The following FAT3 variants were observed in gnomAD, a reference collection of about 807,000 sequenced individuals.
FAT3 encodes the protein FAT atypical cadherin 3.
Under a neutral mutation model 310.2 loss-of-function variants are expected in FAT3, and 95 were observed. The ratio of observed to expected loss-of-function variants is 0.31; its 90% CI spans 0.26 to 0.36. FAT3 has a LOEUF of 0.36. Among genes scored for constraint, FAT3 ranks in the 10% least tolerant of loss-of-function variants. The pLI is 1.00. For synonymous variants in FAT3, 2,314 were observed against 2,192.9 expected, an observed-to-expected ratio of 1.06 and a Z score of -1.54; for missense variants, 5,408 against 5,715.6, an observed-to-expected ratio of 0.95 and a Z score of 1.74.
In FAT3 at chr11:92,840,707, C is replaced by T. The variant is rs867540062; in HGVS notation, c.10514C>T (p.Ser3505Leu). The T allele has an allele frequency of 1.9e-6, 3 of 1,607,532 alleles. No homozygotes were observed. The highest frequency in any genetic ancestry group is 2.2e-5 in the East Asian group (1 of 44,686). ...FVLDPHGILRSAVVFQHTESL... is the reference protein window; with the variant it reads ...FVLDPHGILRLAVVFQHTESL... ...TTGGACCCTCATGGGATCTTGCGGTCGGCTGTGGTCTTCCAGCACACAGAG... is the reference window on the plus strand; with the variant it reads ...TTGGACCCTCATGGGATCTTGCGGTTGGCTGTGGTCTTCCAGCACACAGAG... The change falls in exon 18 of 28, where the codon TCG becomes TTG. Residue 3505 changes from serine to leucine, a missense_variant. Transcript: ENST00000525166.
intron 3 of FAT3, among the ~76,000 whole-genome samples, chr11:92,529,264 A>AGCAGAGCTGAGTAACAGGGGATCTTT (rs1353942541): frequency 1.3e-5 from 2 of 152,254 alleles, no homozygotes; most frequent in East Asian, 3.9e-4. Context: ...AACATGTCAG[A>AGCAGAGCTGAGTAACAGGGGATCTTT]GCAGAGCTGA....
At chr11:92,374,485 G>C (rs967353063) in intron 2 of FAT3, among the ~76,000 whole-genome samples, 17 of 152,110 alleles carry the variant, frequency 1.1e-4, no homozygotes, top group African/African-American at 4.1e-4. Flanking sequence ...TTGTTACCTG[G>C]TATTTTAACT....
intron 4 of FAT3, among the ~76,000 whole-genome samples, chr11:92,704,023 A>G (rs1274989970): frequency 1.3e-5 from 2 of 152,228 alleles, no homozygotes; most frequent in Non-Finnish European, 2.9e-5. Flanking sequence ...TACCCAGGAT[A>G]GGTCTTTCTC....
intron 13 of FAT3, among the ~76,000 whole-genome samples, chr11:92,821,164 A>G (rs1303064743): frequency 1.3e-5 from 2 of 152,176 alleles, no homozygotes; most frequent in Non-Finnish European, 2.9e-5. Flanking sequence ...TTACCACTGA[A>G]AAGACCCTGA....
intron 22 of FAT3, 62 bp from the exon 23 acceptor site, chr11:92,880,669 G>A (rs2136396408): frequency 6.5e-7 from 1 of 1,544,924 alleles, no homozygotes; most frequent in Non-Finnish European, 8.7e-7. Context: ...TGTTATAGCT[G>A]AGTCCAAGCA....
chr11:92,681,846 G>T (rs533728415), intron 3 of FAT3, among the ~76,000 whole-genome samples: 1 of 152,260 alleles, frequency 6.6e-6, no homozygotes, highest in East Asian at 1.9e-4. Context: ...AGTGTGGGAG[G>T]GAGGAGGAGG....
chr11:92,608,104 G>A (rs1219675576), intron 3 of FAT3, among the ~76,000 whole-genome samples: 1 of 152,108 alleles, frequency 6.6e-6, no homozygotes, highest in African/African-American at 2.4e-5. Context: ...GATCCCTGCA[G>A]GAACCATAAG....
intron 2 of FAT3, among the ~76,000 whole-genome samples, chr11:92,427,539 T>G (rs542584108): frequency 4.6e-5 from 7 of 152,338 alleles, no homozygotes; most frequent in Non-Finnish European, 8.8e-5. Context: ...TTGAGATATG[T>G]TCTATCAATA....
intron 4 of FAT3, among the ~76,000 whole-genome samples, chr11:92,738,811 A>C (rs994905675): frequency 6.6e-6 from 1 of 152,170 alleles, no homozygotes; most frequent in South Asian, 2.1e-4. Context: ...AAAGCATTGG[A>C]TCTTGCTGGA....
Position 92,385,513 on chromosome 11 carries a change from G to A in FAT3, c.3292+30109G>A, listed in dbSNP as rs369089957. 1.3e-4 allele frequency among the ~76,000 whole-genome samples: 20 copies of A among 152,102 alleles called. No individual in the cohort carries two copies. The East Asian group carries it at 3.3e-3, about 25-fold the overall frequency. On this transcript the variant is annotated intron_variant, in intron 2 of 27. Transcript: ENST00000525166. The stretch of plus-strand genomic sequence containing the variant: ...CTCCCAAGTAGCTGGGATTACAGGC[G>A]TGTACCACCACACCCAGCTAATTTT...
At chr11:92,666,377 A>C (rs1488271636) in intron 3 of FAT3, among the ~76,000 whole-genome samples, 6 of 145,344 alleles carry the variant, frequency 4.1e-5, no homozygotes, top group Non-Finnish European at 8.9e-5. Flanking sequence ...TTTGAGACGG[A>C]ATCTCGCTCT....
At chr11:92,338,866 G>T (rs562608108) in intron 1 of FAT3, among the ~76,000 whole-genome samples, 3 of 152,166 alleles carry the variant, frequency 2.0e-5, no homozygotes, top group African/African-American at 7.2e-5. Context: ...TATCTGTTGT[G>T]GGTGGGGACC....
chr11:92,795,328 A>G (rs186229951), intron 9 of FAT3, among the ~76,000 whole-genome samples: 1 of 152,242 alleles, frequency 6.6e-6, no homozygotes, highest in Admixed American at 6.5e-5. Context: ...ACTTCTTTGT[A>G]GCAGATGCTG....
chr11:92,837,897 T>C, intron 17 of FAT3, 91 bp downstream of exon 17: 1 of 1,478,462 alleles, frequency 6.8e-7, no homozygotes, highest in East Asian at 2.3e-5. Context: ...ATTGCTACTA[T>C]TACTTAATGT....
intron 3 of FAT3, among the ~76,000 whole-genome samples, chr11:92,630,583 A>T (rs1419086840): frequency 6.6e-6 from 1 of 152,080 alleles, no homozygotes; most frequent in Non-Finnish European, 1.5e-5. Context: ...TTTTCCCCCA[A>T]CGGAGATCCC....
intron 2 of FAT3, among the ~76,000 whole-genome samples, chr11:92,506,314 C>A (rs1015720731): frequency 6.6e-6 from 1 of 152,142 alleles, no homozygotes; most frequent in Non-Finnish European, 1.5e-5. Context: ...CCTTTCTGGA[C>A]GCCTTTCCTC....
chr11:92,354,760 C>T lies in FAT3; in HGVS notation c.2648C>T (p.Thr883Ile), dbSNP rs753129299. 6.2e-7 allele frequency: 1 copy of T among 1,613,810 alleles called. No individual in the cohort carries two copies. Among genetic ancestry groups the T allele is most frequent in the Non-Finnish European group, 8.5e-7 (1 of 1,179,884 alleles). ...DTQQFAINSS[T>I]GIVYVADQLD... Reference sequence around the variant, plus strand: ...CAGCAGTTTGCCATCAATAGCTCAACTGGAATCGTTTATGTAGCCGACCAG... The same window carrying T: ...CAGCAGTTTGCCATCAATAGCTCAATTGGAATCGTTTATGTAGCCGACCAG... Residue 883 changes from threonine (T) to isoleucine (I), a missense_variant, in exon 2 of 28, where the codon ACT becomes ATT. Transcript: ENST00000525166.
chr11:92,541,067 A>G (rs1954433766), intron 3 of FAT3, among the ~76,000 whole-genome samples: 1 of 152,196 alleles, frequency 6.6e-6, no homozygotes, highest in Non-Finnish European at 1.5e-5. Flanking sequence ...CAAATAGAGA[A>G]AAGAGTACTT....
intron 3 of FAT3, among the ~76,000 whole-genome samples, chr11:92,549,482 C>T (rs113341065): frequency 1.8e-3 from 278 of 152,274 alleles, no homozygotes; most frequent in African/African-American, 6.3e-3. Flanking sequence ...TACATGGCCC[C>T]ATTGAGCTGG....
Sources: gnomAD v4.1 joint callset for allele counts (sites outside exome capture counted in the v4.1 genomes callset) on GRCh38, gnomAD v4.1.1 for gene constraint, MANE v1.5 for transcripts, NCBI Gene and HGNC (gene_info 2026-07-23, HGNC 2026-07-21) for gene names.